ZNF652: variants seen among roughly 807,000 people sequenced by gnomAD.
ZNF652 encodes zinc finger protein 652.
ZNF652 carries 16 observed loss-of-function variants against 45.2 expected under a neutral mutation model. The observed-to-expected ratio is 0.35, with a 90% CI of 0.24 to 0.54. The LOEUF is 0.54. ZNF652 is among the 20% of genes least tolerant of loss of function. The probability of loss-of-function intolerance (pLI) is 0.91; values close to 1 mark genes in which losing one functional copy is unlikely to be tolerated. For missense variants in ZNF652, 614 were observed against 765.6 expected (o/e 0.80, Z 2.34); for synonymous variants, 250 against 260.6 (o/e 0.96, Z 0.39).
chr17:49,324,734 C>CTTT (rs1185007907), intron 1 of ZNF652, among the ~76,000 whole-genome samples: 46 of 96,234 alleles, frequency 4.8e-4, no homozygotes, highest in African/African-American at 1.3e-3. Context: ...TGGGGTAGCA[C>CTTT]TTTTTTTTTT....
chr17:49,355,682 G>A (rs1036288903), intron 1 of ZNF652, among the ~76,000 whole-genome samples: 12 of 151,476 alleles, frequency 7.9e-5, no homozygotes, highest in Admixed American at 6.6e-4. Flanking sequence ...GGCAGATCAC[G>A]AGGTCAGGAG....
intron 1 of ZNF652, among the ~76,000 whole-genome samples, chr17:49,321,030 A>G (rs1161663301): frequency 6.8e-6 from 1 of 148,044 alleles, no homozygotes; most frequent in Non-Finnish European, 1.5e-5. Context: ...TACACTTTTA[A>G]AACCACGCCC....
rs1207810275 is a variant in ZNF652, at chr17:49,317,200, T to C, written c.526A>G (p.Lys176Glu). Residue 176 changes from lysine (K) to glutamate (E), a missense_variant, in exon 2 of 6, where the codon AAG becomes GAG. Lys to Glu is a moderately conservative substitution (Grantham distance 56). Around this residue, in one of 5 missense-constraint regions of ZNF652, gnomAD observed 262 missense variants for 306.3 expected, o/e 0.86. Transcript: ENST00000430262. ...SNDYGENEKQKKKEKIVEKVS... is the reference protein window; with the variant it reads ...SNDYGENEKQEKKEKIVEKVS... ...TTCTCTACTATCTTCTCCTTTTTCT[T>C]CTGCTTTTCATTCTCTCCATAGTCA... The C allele has an allele frequency of 3.1e-6, 5 of 1,613,524 alleles. No homozygotes were observed. The East Asian group carries it at 8.9e-5, about 29-fold the overall frequency.
intron 1 of ZNF652, chr17:49,361,320 G>C (rs1243896374): frequency 6.6e-6 from 1 of 152,318 alleles, no homozygotes; most frequent in African/African-American, 2.4e-5. Flanking sequence ...TTGGTGTCTC[G>C]GATCTAAGAA....
At chr17:49,345,227 G>C (rs1175943353) in intron 1 of ZNF652, among the ~76,000 whole-genome samples, 1 of 145,876 alleles carries the variant, frequency 6.9e-6, no homozygotes, top group Non-Finnish European at 1.5e-5. Context: ...TTTTGAGACA[G>C]AGTGTTGCTC....
At chr17:49,306,862 C>A (rs574125346) in intron 5 of ZNF652, among the ~76,000 whole-genome samples, 2 of 152,140 alleles carry the variant, frequency 1.3e-5, no homozygotes, top group African/African-American at 4.8e-5. Flanking sequence ...AAGCGATTCT[C>A]CTGCCTCAGC....
At chr17:49,347,477 A>G (rs2070216705) in intron 1 of ZNF652, among the ~76,000 whole-genome samples, 1 of 152,044 alleles carries the variant, frequency 6.6e-6, no homozygotes, top group Non-Finnish European at 1.5e-5. Flanking sequence ...AGGTGGGAGG[A>G]CCGCTGGAGC....
At chr17:49,308,517 G>A (rs1386970375) in intron 5 of ZNF652, among the ~76,000 whole-genome samples, 1 of 152,056 alleles carries the variant, frequency 6.6e-6, no homozygotes, top group South Asian at 2.1e-4. Context: ...TAAAAATTTG[G>A]GGGACTGGGC....
intron 5 of ZNF652, among the ~76,000 whole-genome samples, chr17:49,310,166 G>A (rs1161398181): frequency 2.0e-5 from 3 of 152,140 alleles, no homozygotes. Flanking sequence ...TGTTAGCCAG[G>A]ATGGTCTCGA....
intron 1 of ZNF652, among the ~76,000 whole-genome samples, chr17:49,331,294 T>G (rs959136449): frequency 2.0e-5 from 3 of 151,762 alleles, no homozygotes; most frequent in African/African-American, 7.3e-5. Context: ...GCTAATTTTT[T>G]GTATTTTTAG....
At chr17:49,302,786 A>G (rs1208561340) in intron 5 of ZNF652, among the ~76,000 whole-genome samples, 1 of 151,368 alleles carries the variant, frequency 6.6e-6, no homozygotes, top group African/African-American at 2.4e-5. Flanking sequence ...ACATGGTGAA[A>G]CTCCATCTCT....
intron 1 of ZNF652, among the ~76,000 whole-genome samples, chr17:49,352,440 C>G (rs1460184582): frequency 6.6e-6 from 1 of 152,130 alleles, no homozygotes; most frequent in Non-Finnish European, 1.5e-5. Context: ...AGAGCTGAGC[C>G]TAGTACCCAG....
chr17:49,313,657 A>G (rs532462898), intron 2 of ZNF652, among the ~76,000 whole-genome samples: 4 of 152,226 alleles, frequency 2.6e-5, no homozygotes, highest in African/African-American at 9.6e-5. Flanking sequence ...GTAGAAATAT[A>G]AAAATGTTTT....
At chr17:49,311,286 C>G in intron 5 of ZNF652, 26 bp downstream of exon 5, 1 of 1,612,326 alleles carries the variant, frequency 6.2e-7, no homozygotes, top group East Asian at 2.2e-5. Flanking sequence ...GAGACATTAT[C>G]TGTACCTTTC....
Position 49,312,855 on chromosome 17 carries a change from A to T in ZNF652, c.901-10T>A. On this transcript the variant is annotated splice_polypyrimidine_tract_variant and intron_variant, in intron 2 of 5. Coordinates refer to ENST00000430262, the MANE Select transcript of ZNF652 (RefSeq NM_001145365.3). The stretch of plus-strand genomic sequence containing the variant: ...TGTTACAGGAAACACACTGAGCAGG[A>T]TAAATAGAAATAATATTTATAGGGG... The T allele has an allele frequency of 1.2e-6, 2 of 1,609,374 alleles. No individual in the cohort carries two copies. Among genetic ancestry groups the T allele is most frequent in the Non-Finnish European group, 1.7e-6 (2 of 1,178,578 alleles).
chr17:49,346,619 C>A (rs1378064700), intron 1 of ZNF652, among the ~76,000 whole-genome samples: 3 of 152,148 alleles, frequency 2.0e-5, no homozygotes, highest in Admixed American at 6.6e-5. Flanking sequence ...AGATTTTAAT[C>A]TTTAGCTTCA....
chr17:49,318,582 A>C (rs1263421335), intron 1 of ZNF652, among the ~76,000 whole-genome samples: 1 of 152,248 alleles, frequency 6.6e-6, no homozygotes, highest in Non-Finnish European at 1.5e-5. Context: ...TTTGATGAAT[A>C]AAATAATATT....
chr17:49,361,271 A>C (rs2143164840), intron 1 of ZNF652: 1 of 152,348 alleles, frequency 6.6e-6, no homozygotes, highest in South Asian at 2.1e-4. Context: ...CTCGACAATG[A>C]ACATGTTACG....
At chr17:49,354,620 AAAC>A (rs2070315826) in intron 1 of ZNF652, among the ~76,000 whole-genome samples, 1 of 150,262 alleles carries the variant, frequency 6.7e-6, no homozygotes, top group East Asian at 1.9e-4. Context: ...CAAAAAAAAA[AAAC>A]AAAAAAACAA....
Sources: gnomAD v4.1 joint callset for allele counts (sites outside exome capture counted in the v4.1 genomes callset) on GRCh38, gnomAD v4.1.1 for gene constraint, gnomAD v4.1.1 regional missense constraint, MANE v1.5 for transcripts, NCBI Gene and HGNC (gene_info 2026-07-23, HGNC 2026-07-21) for gene names.